The following LMBR1 variants were observed in gnomAD, a reference collection of about 807,000 sequenced individuals.
The protein encoded by LMBR1 is limb region 1 protein homolog.
Under a neutral mutation model 73.9 loss-of-function variants are expected in LMBR1, and 52 were observed. That is an observed-to-expected ratio of 0.70 (90% CI 0.56 to 0.89). LMBR1 has a LOEUF of 0.89. Among genes scored for constraint, LMBR1 ranks in the 40% least tolerant of loss-of-function variants. LMBR1 has a pLI of 0.00. For missense variants in LMBR1, 539 were observed against 579.8 expected (o/e 0.93, Z 0.72); for synonymous variants, 215 against 209.4 (o/e 1.03, Z -0.23).
intron 1 of LMBR1, among the ~76,000 whole-genome samples, chr7:156,873,114 C>T (rs77044724): frequency 2.0e-5 from 3 of 152,186 alleles, no homozygotes; most frequent in South Asian, 2.1e-4. Context: ...AATGAAGCCG[C>T]GGACTCTTGC....
intron 15 of LMBR1, among the ~76,000 whole-genome samples, chr7:156,711,458 C>T (rs1289161018): frequency 2.0e-5 from 3 of 152,092 alleles, no homozygotes; most frequent in Non-Finnish European, 4.4e-5. Flanking sequence ...AATGCAATCC[C>T]TACCAAAATA....
chr7:156,847,054 A>G (rs991003229), intron 1 of LMBR1, among the ~76,000 whole-genome samples: 1 of 152,212 alleles, frequency 6.6e-6, no homozygotes, highest in Non-Finnish European at 1.5e-5. Context: ...TAATTAAGAC[A>G]GCATGACATT....
At chr7:156,688,469 G>A (rs1234298421) in intron 15 of LMBR1, among the ~76,000 whole-genome samples, 1 of 152,110 alleles carries the variant, frequency 6.6e-6, no homozygotes, top group African/African-American at 2.4e-5. Flanking sequence ...CGGAACTCAT[G>A]CTGATGTTAA....
intron 4 of LMBR1, among the ~76,000 whole-genome samples, chr7:156,799,386 G>C (rs1304427238): frequency 6.6e-6 from 1 of 152,020 alleles, no homozygotes; most frequent in Non-Finnish European, 1.5e-5. Flanking sequence ...GGTAATTTTT[G>C]CAATACTTCA....
intron 2 of LMBR1, 34 bp downstream of exon 2, chr7:156,836,779 T>C (rs1297879207): frequency 7.2e-7 from 1 of 1,394,286 alleles, no homozygotes; most frequent in Non-Finnish European, 9.9e-7. Flanking sequence ...TGTGGCATTC[T>C]AACAAAGGTT....
At chr7:156,857,950 C>T (rs1339286944) in intron 1 of LMBR1, among the ~76,000 whole-genome samples, 6 of 150,242 alleles carry the variant, frequency 4.0e-5, no homozygotes, top group East Asian at 1.9e-4. Context: ...GCAAAAGCAG[C>T]GCTTAGAGGG....
intron 15 of LMBR1, among the ~76,000 whole-genome samples, chr7:156,712,438 T>C (rs6949388): frequency 0.01 from 1,587 of 152,306 alleles, 31 homozygotes; most frequent in African/African-American, 0.036. Context: ...ACAACCTCTA[T>C]GGAAAAACAG....
At chr7:156,738,214 A>G (rs1372999038) in intron 9 of LMBR1, among the ~76,000 whole-genome samples, 1 of 152,132 alleles carries the variant, frequency 6.6e-6, no homozygotes, top group Non-Finnish European at 1.5e-5. Flanking sequence ...AATTGCACCA[A>G]TGCTGCCCTG....
In LMBR1 at chr7:156,744,829, G is replaced by A. The variant is rs1819560584; in HGVS notation, c.758-10572C>T. ...GTGTTAGCAGGACTATAATCCTTCT[G>A]GAGACTCTAGGGGAGAAATCATTTC... On this transcript the variant is annotated intron_variant, in intron 9 of 16. Transcript: ENST00000353442. Among the ~76,000 whole-genome samples, 7 of 152,174 alleles carry A rather than the reference G, an allele frequency of 4.6e-5. No homozygotes were observed. In the South Asian group the frequency reaches 1.5e-3, roughly 32 times the overall value.
chr7:156,735,548 G>T (rs200243166), intron 9 of LMBR1, among the ~76,000 whole-genome samples: 8 of 142,194 alleles, frequency 5.6e-5, no homozygotes, highest in Non-Finnish European at 7.6e-5. Flanking sequence ...TAAGAGTGGT[G>T]TTTTTTTTTT....
chr7:156,742,273 G>T (rs1415197296), intron 9 of LMBR1, among the ~76,000 whole-genome samples: 1 of 151,474 alleles, frequency 6.6e-6, no homozygotes, highest in Non-Finnish European at 1.5e-5. Context: ...ATTAATAAAA[G>T]AAATAATAAA....
chr7:156,676,429 G>A (rs2302148), downstream of LMBR1: 56,585 of 1,613,988 alleles, frequency 0.035, 1,438 homozygotes, highest in East Asian at 0.11. Context: ...GCTCTGCGCC[G>A]GGAGACCCAC....
At position 156,756,445 on chromosome 7, in the gene LMBR1, T is replaced by C. The variant is rs775157122; in HGVS notation, c.705A>G (p.Glu235=). Residue 235 remains glutamate, a synonymous_variant, in exon 9 of 17, where the codon GAA becomes GAG. Coordinates refer to ENST00000353442, the MANE Select transcript of LMBR1 (RefSeq NM_022458.4). ...CCTCTAAGGTAATGATATAAATTTG[T>C]TCATCCAGGTCTTCAAGAATCTAAA... ...VKPTILEDLD[E]QIYIITLEEE... The C allele has an allele frequency of 3.3e-6, 5 of 1,495,274 alleles. No individual in the cohort carries two copies. In the East Asian group the frequency reaches 1.1e-4, roughly 34 times the overall value. The allele number at this position is 1,495,274 out of a possible 1,614,324, so 92.6% of individuals were successfully genotyped here.
chr7:156,855,991 C>G (rs1252214485), intron 1 of LMBR1, among the ~76,000 whole-genome samples: 1 of 152,080 alleles, frequency 6.6e-6, no homozygotes, highest in African/African-American at 2.4e-5. Flanking sequence ...GTCAGGAGAT[C>G]AAGACCATCC....
At chr7:156,699,528 T>C (rs1383725410) in intron 15 of LMBR1, among the ~76,000 whole-genome samples, 2 of 151,798 alleles carry the variant, frequency 1.3e-5, no homozygotes, top group East Asian at 1.9e-4. Flanking sequence ...CCAAAAGCAA[T>C]GGCAACAAAA....
At chr7:156,674,894 C>G (rs184879423), downstream of LMBR1, among the ~76,000 whole-genome samples, 109 of 152,312 alleles carry the variant, frequency 7.2e-4, no homozygotes, top group African/African-American at 2.3e-3. Flanking sequence ...GAACTTTTCT[C>G]TCAACTTTTA....
At chr7:156,677,648 T>A (rs1804311822), downstream of LMBR1, 1 of 152,218 alleles carries the variant, frequency 6.6e-6, no homozygotes, top group African/African-American at 2.4e-5. Flanking sequence ...GCATCTAATG[T>A]GAGAAGAAAT....
chr7:156,863,780 T>A (rs1798054929), intron 1 of LMBR1, among the ~76,000 whole-genome samples: 2 of 152,188 alleles, frequency 1.3e-5, no homozygotes, highest in South Asian at 4.1e-4. Flanking sequence ...ACCATTGCAG[T>A]AGGCTATATA....
chr7:156,700,912 G>A (rs945676692), intron 15 of LMBR1, among the ~76,000 whole-genome samples: 2 of 152,188 alleles, frequency 1.3e-5, no homozygotes, highest in African/African-American at 4.8e-5. Context: ...ATGGTTGCAT[G>A]TGGCTGGGGA....
Sources: allele counts gnomAD v4.1 joint callset (sites outside exome capture counted in the v4.1 genomes callset), GRCh38; gene constraint gnomAD v4.1.1; transcripts MANE v1.5; gene names NCBI Gene and HGNC (gene_info 2026-07-23, HGNC 2026-07-21).